PYY: variants seen among roughly 807,000 people sequenced by gnomAD.
The protein encoded by PYY is peptide YY.
In PYY, 12 loss-of-function variants were observed where a neutral mutation model predicts 10.3. That is an observed-to-expected ratio of 1.17 (90% CI 0.75 to 1.89). The LOEUF (loss-of-function observed/expected upper bound fraction) is 1.89, where lower values mean the gene tolerates loss of function less well. PYY is among the 40% of genes most tolerant of loss of function. The pLI, the probability that PYY is intolerant of heterozygous loss-of-function variation, is 0.00. For missense variants in PYY, 141 were observed against 134.0 expected (o/e 1.05, Z -0.26); for synonymous variants, 66 against 62.0 (o/e 1.06, Z -0.30).
chr17:43,979,206 T>C (rs933170737), intron 1 of PYY, among the ~76,000 whole-genome samples: 20 of 152,226 alleles, frequency 1.3e-4, no homozygotes, highest in Non-Finnish European at 2.1e-4. Context: ...GGCGGCTAAT[T>C]AGAAACACGC....
At chr17:43,989,984 C>T (rs1223239931) in intron 1 of PYY, among the ~76,000 whole-genome samples, 1 of 148,388 alleles carries the variant, frequency 6.7e-6, no homozygotes, top group African/African-American at 2.5e-5. Flanking sequence ...GGAACCATAC[C>T]AACATTGGCA....
intron 2 of PYY, among the ~76,000 whole-genome samples, chr17:43,965,073 G>A (rs765082486): frequency 1.2e-4 from 19 of 152,192 alleles, no homozygotes; most frequent in Non-Finnish European, 2.6e-4. Context: ...TAGAAACAAT[G>A]TTGAAACCAA....
At chr17:43,980,726 C>T (rs2048878928) in intron 1 of PYY, among the ~76,000 whole-genome samples, 1 of 152,166 alleles carries the variant, frequency 6.6e-6, no homozygotes, top group Non-Finnish European at 1.5e-5. Context: ...CCCTCCTCTG[C>T]CTCCCAAAGT....
chr17:43,965,989 C>A (rs770049197), intron 2 of PYY, among the ~76,000 whole-genome samples: 4 of 151,830 alleles, frequency 2.6e-5, no homozygotes. Context: ...TCATCTACCC[C>A]CAAGATTTTA....
intron 1 of PYY, among the ~76,000 whole-genome samples, chr17:44,001,579 G>C (rs554233451): frequency 2.4e-4 from 36 of 152,296 alleles, no homozygotes; most frequent in Non-Finnish European, 4.3e-4. Context: ...CAGGGTCAAT[G>C]GGCCTGGAGT....
intron 1 of PYY, among the ~76,000 whole-genome samples, chr17:43,985,963 T>G (rs2048913313): frequency 6.6e-6 from 1 of 152,140 alleles, no homozygotes; most frequent in Admixed American, 6.5e-5. Flanking sequence ...GTATTCTATA[T>G]ATGAAAATGT....
At chr17:43,971,272 T>A (rs1490857359) in intron 1 of PYY, among the ~76,000 whole-genome samples, 1 of 152,078 alleles carries the variant, frequency 6.6e-6, no homozygotes, top group African/African-American at 2.4e-5. Flanking sequence ...CATCATGGTT[T>A]TAACTTGCAT....
upstream of PYY, among the ~76,000 whole-genome samples, chr17:43,956,547 G>A (rs940170781): frequency 3.9e-5 from 6 of 152,036 alleles, no homozygotes; most frequent in Non-Finnish European, 7.4e-5. Context: ...ACCTGCCTCC[G>A]GTTTGTCCTT....
At chr17:44,002,395 G>T (rs879351992) in intron 1 of PYY, among the ~76,000 whole-genome samples, 1 of 152,160 alleles carries the variant, frequency 6.6e-6, no homozygotes, top group Admixed American at 6.5e-5. Context: ...GAGGAGCAGG[G>T]GTAGGAACTG....
chr17:43,994,522 A>C (rs962715534), intron 1 of PYY, among the ~76,000 whole-genome samples: 1 of 152,098 alleles, frequency 6.6e-6, no homozygotes, highest in African/African-American at 2.4e-5. Context: ...CCAGAGTGGG[A>C]GCAAAAGTCC....
chr17:43,967,028 C>A (rs1018154053), intron 1 of PYY, among the ~76,000 whole-genome samples: 4 of 152,218 alleles, frequency 2.6e-5, no homozygotes, highest in Admixed American at 2.6e-4. Context: ...AAAGGCCAGA[C>A]GCGGTGGCTC....
At chr17:43,991,821 CA>C (rs1282932581) in intron 1 of PYY, among the ~76,000 whole-genome samples, 1 of 142,028 alleles carries the variant, frequency 7.0e-6, no homozygotes, top group Non-Finnish European at 1.5e-5. Context: ...GGCCTTGTCT[CA>C]AAAGAAAAAA....
intron 2 of PYY, among the ~76,000 whole-genome samples, chr17:43,960,096 T>C (rs183207758): frequency 6.6e-6 from 1 of 152,326 alleles, no homozygotes; most frequent in Admixed American, 6.5e-5. Context: ...CCTTAATAGA[T>C]ACCAAATAGC....
chr17:43,960,709 G>A (rs890918697), intron 2 of PYY, among the ~76,000 whole-genome samples: 1 of 151,528 alleles, frequency 6.6e-6, no homozygotes, highest in African/African-American at 2.4e-5. Context: ...AATTAGTCAG[G>A]CATGGTGGCG....
chr17:43,959,729 C>T lies in PYY; in HGVS notation c.-217-1701G>A, dbSNP rs549190102. ...AAAAATAAAATGCTGGTGTGTGTTGCGAAGCCTGAAATTAGATACTGTGAG... is the reference window on the plus strand; with the variant it reads ...AAAAATAAAATGCTGGTGTGTGTTGTGAAGCCTGAAATTAGATACTGTGAG... On this transcript the variant is annotated intron_variant, in intron 2 of 6. Transcript: ENST00000360085. Among the ~76,000 whole-genome samples the T allele has an allele frequency of 1.4e-4, 21 of 152,328 alleles. No individual in the cohort carries two copies. In the East Asian group the frequency reaches 1.5e-3, roughly 11 times the overall value.
intron 1 of PYY, among the ~76,000 whole-genome samples, chr17:43,973,316 G>GTGCC (rs2048807732): frequency 6.6e-6 from 1 of 152,164 alleles, no homozygotes; most frequent in Non-Finnish European, 1.5e-5. Context: ...TCTGGGGTTT[G>GTGCC]TGCCTGGTGT....
At chr17:43,984,950 A>C (rs1229796134) in intron 1 of PYY, among the ~76,000 whole-genome samples, 1 of 152,210 alleles carries the variant, frequency 6.6e-6, no homozygotes, top group East Asian at 1.9e-4. Context: ...GTTGTTATAT[A>C]ACTTTTATAA....
intron 1 of PYY, among the ~76,000 whole-genome samples, chr17:43,969,955 G>T (rs146574927): frequency 0.027 from 4,103 of 151,774 alleles, 122 homozygotes; most frequent in East Asian, 0.095. Flanking sequence ...TATTGTCCAG[G>T]ATGGTCTTGA....
intron 1 of PYY, among the ~76,000 whole-genome samples, chr17:43,994,010 G>C (rs2048974365): frequency 6.6e-6 from 1 of 151,864 alleles, no homozygotes; most frequent in Non-Finnish European, 1.5e-5. Context: ...TGCGTTACCA[G>C]GCCTGGCTAA....
Sources: gnomAD v4.1 joint callset for allele counts (sites outside exome capture counted in the v4.1 genomes callset) on GRCh38, gnomAD v4.1.1 for gene constraint, MANE v1.5 for transcripts, NCBI Gene and HGNC (gene_info 2026-07-23, HGNC 2026-07-21) for gene names.